DPY19L1: variants seen among roughly 807,000 people sequenced by gnomAD.
DPY19L1 encodes the protein dpy-19 like C-mannosyltransferase 1, also known as protein C-mannosyl-transferase DPY19L1.
In DPY19L1, 35 loss-of-function variants were observed where a neutral mutation model predicts 96.9. That is an observed-to-expected ratio of 0.36 (90% CI 0.28 to 0.48). DPY19L1 has a LOEUF of 0.48. Ranked by LOEUF, DPY19L1 falls within the 20% of genes least tolerant of loss-of-function variation. DPY19L1 has a pLI of 0.99. For missense variants in DPY19L1, 521 were observed against 777.9 expected, an observed-to-expected ratio of 0.67 and a Z score of 3.93; for synonymous variants, 205 against 252.6, an observed-to-expected ratio of 0.81 and a Z score of 1.79.
upstream of DPY19L1, chr7:35,037,870 GCCTT>G (rs1786487286): frequency 3.2e-5 from 40 of 1,237,066 alleles, no homozygotes; most frequent in Non-Finnish European, 4.1e-5. Flanking sequence ...GGGGCGGACG[GCCTT>G]CCGGAGGCGG....
intron 21 of DPY19L1, among the ~76,000 whole-genome samples, chr7:34,934,446 T>C (rs1216455778): frequency 1.3e-5 from 2 of 152,254 alleles, no homozygotes; most frequent in Non-Finnish European, 2.9e-5. Flanking sequence ...ATATGTACTA[T>C]TTAACCAATT....
intron 7 of DPY19L1, among the ~76,000 whole-genome samples, chr7:34,974,030 T>C (rs2128668774): frequency 6.6e-6 from 1 of 152,334 alleles, no homozygotes; most frequent in South Asian, 2.1e-4. Flanking sequence ...TCAATTTTAG[T>C]ATTTTCATTC....
intron 7 of DPY19L1, among the ~76,000 whole-genome samples, chr7:34,989,459 T>G (rs1010971660): frequency 6.6e-6 from 1 of 151,782 alleles, no homozygotes; most frequent in African/African-American, 2.4e-5. Flanking sequence ...TATAAAAAAT[T>G]TAAAAAACTA....
chr7:34,989,709 TATATC>T (rs1183904851), intron 7 of DPY19L1, among the ~76,000 whole-genome samples, 170 bp downstream of exon 7: 1 of 152,092 alleles, frequency 6.6e-6, no homozygotes, highest in Admixed American at 6.5e-5. Context: ...TACTAAGCCT[TATATC>T]ACATAAGAAG....
chr7:35,006,349 C>T (rs547977433), intron 6 of DPY19L1, among the ~76,000 whole-genome samples: 1 of 152,288 alleles, frequency 6.6e-6, no homozygotes, highest in Admixed American at 6.5e-5. Flanking sequence ...TTTAGTATCA[C>T]CTGCTTGATA....
At chr7:35,001,749 T>C (rs34373795) in intron 6 of DPY19L1, among the ~76,000 whole-genome samples, 8,153 of 152,216 alleles carry the variant, frequency 0.054, 300 homozygotes, top group Middle Eastern at 0.18. Flanking sequence ...TTTGGTCTTC[T>C]AGCCTTAATC....
rs755619806 is a variant in DPY19L1, at chr7:35,023,833, C to CTTTTTTTTT, written c.299-5246_299-5238dup. The stretch of plus-strand genomic sequence containing the variant: ...AAATATATTCTTTTTCTTTTCTTTT[C>CTTTTTTTTT]TTTTTTTTTTTTTTTTTTTTGAGAC... On this transcript the variant is annotated intron_variant, in intron 1 of 21. Coordinates refer to ENST00000638088, the MANE Select transcript of DPY19L1 (RefSeq NM_001366673.1). 7.9e-3 allele frequency among the ~76,000 whole-genome samples: 882 copies of CTTTTTTTTT among 111,750 alleles called. 6 individuals carry two copies. The highest frequency in any genetic ancestry group is 0.011 in the Non-Finnish European group (636 of 55,600). 73.3% of individuals were successfully genotyped at this position (111,750 alleles called of 152,430 possible). A position where few individuals can be genotyped will look rare whatever the true frequency, so the allele number is the denominator to read the frequency against.
Position 34,973,608 on chromosome 7 carries a change from G to GAAA in DPY19L1, c.823-6_823-4dup. 2 of 1,377,378 alleles carry GAAA rather than the reference G, an allele frequency of 1.5e-6. No homozygotes were observed. Among genetic ancestry groups the GAAA allele is most frequent in the South Asian group, 1.9e-5 (1 of 52,450 alleles). 85.3% of individuals were successfully genotyped at this position (1,377,378 alleles called of 1,614,324 possible). ...GGTGTCCACATTACACGGGTACACT[G>GAAA]AAAAAAAAAATTTGTAGTATAGTAT... On this transcript the variant is annotated splice_region_variant and splice_polypyrimidine_tract_variant and intron_variant, in intron 7 of 21. Coordinates refer to ENST00000638088, the MANE Select transcript of DPY19L1 (RefSeq NM_001366673.1).
chr7:35,023,536 T>C (rs1038410279), intron 1 of DPY19L1, among the ~76,000 whole-genome samples: 6 of 152,238 alleles, frequency 3.9e-5, no homozygotes, highest in Admixed American at 3.9e-4. Flanking sequence ...ACACATGCAC[T>C]TCATAAATAG....
chr7:34,967,078 G>T (rs1469723228), intron 9 of DPY19L1, 107 bp from the exon 10 acceptor site: 9 of 748,478 alleles, frequency 1.2e-5, no homozygotes, highest in South Asian at 2.6e-5. Flanking sequence ...CACACAGAGT[G>T]AGTTCTTCTG....
At chr7:34,994,317 C>A (rs910806180) in intron 6 of DPY19L1, among the ~76,000 whole-genome samples, 2 of 151,872 alleles carry the variant, frequency 1.3e-5, no homozygotes, top group Non-Finnish European at 2.9e-5. Flanking sequence ...TGCAAAGGCA[C>A]CTCATTCTCT....
chr7:34,929,355 C>T lies in DPY19L1; in HGVS notation c.*2218G>A, dbSNP rs1374859173. Reference sequence around the variant, plus strand: ...AGGCCTCTGCTCCAAACTGGCTCCCCTAATATATAGCCATATTTTGCTGGG... The same window carrying T: ...AGGCCTCTGCTCCAAACTGGCTCCCTTAATATATAGCCATATTTTGCTGGG... On this transcript the variant is annotated 3_prime_UTR_variant, in exon 22 of 22. Coordinates refer to ENST00000638088, the MANE Select transcript of DPY19L1 (RefSeq NM_001366673.1). The T allele has an allele frequency of 6.6e-6, 1 of 152,164 alleles. No individual in the cohort carries two copies. Among genetic ancestry groups the T allele is most frequent in the African/African-American group, 2.4e-5 (1 of 41,438 alleles). The allele number at this position is 152,164 out of a possible 1,614,324, so 9.4% of individuals were successfully genotyped here.
chr7:34,941,993 T>A, intron 17 of DPY19L1, 109 bp from the exon 18 acceptor site: 1 of 1,150,162 alleles, frequency 8.7e-7, no homozygotes, highest in Non-Finnish European at 1.2e-6. Context: ...CAAAAAATAC[T>A]ACTAAGGTTT....
Position 35,020,408 on chromosome 7 carries a change from T to C in DPY19L1, c.299-1812A>G, listed in dbSNP as rs539810012. ...GGTGTGGGTATATACATATGTTGTA[T>C]ATATAGGTATGTGTATATATACATA... On this transcript the variant is annotated intron_variant, in intron 1 of 21. Transcript: ENST00000638088. Among the ~76,000 whole-genome samples, 9 of 152,322 alleles carry C rather than the reference T, an allele frequency of 5.9e-5. 1 individual carries two copies. The South Asian group carries it at 1.2e-3, about 21-fold the overall frequency.
chr7:35,000,759 C>T (rs1016405220), intron 6 of DPY19L1: 10 of 152,200 alleles, frequency 6.6e-5, no homozygotes, highest in South Asian at 2.1e-4. Flanking sequence ...GAAAAGAGAA[C>T]GGAAAGTCTA....
chr7:34,966,963 T>G lies in DPY19L1; in HGVS notation c.1023A>C (p.Ser341=). Residue 341 remains serine (S), a synonymous_variant, in exon 10 of 22, where the codon TCA becomes TCC. Transcript: ENST00000638088. ...ACCCGACAACATATACTGCAAATAA[T>G]GATGCAATCTGAAATTTAAAAAGAA... ...AQFVLLTQIA[S]LFAVYVVGYI... is the part of the protein sequence containing the mutation. The G allele has an allele frequency of 6.5e-7, 1 of 1,526,918 alleles. No individual in the cohort carries two copies. Among genetic ancestry groups the G allele is most frequent in the South Asian group, 1.3e-5 (1 of 78,966 alleles). 94.6% of individuals were successfully genotyped at this position (1,526,918 alleles called of 1,614,324 possible).
At chr7:34,999,362 A>T (rs1785369850) in intron 6 of DPY19L1, among the ~76,000 whole-genome samples, 1 of 152,236 alleles carries the variant, frequency 6.6e-6, no homozygotes, top group Admixed American at 6.5e-5. Context: ...GCAAACCAGT[A>T]ATTGAGTACA....
chr7:34,992,177 TTAGA>T (rs996938981), intron 6 of DPY19L1, among the ~76,000 whole-genome samples: 2 of 152,162 alleles, frequency 1.3e-5, no homozygotes, highest in African/African-American at 2.4e-5. Context: ...AATTTTCTCC[TTAGA>T]TAGGTGAAAA....
intron 8 of DPY19L1, among the ~76,000 whole-genome samples, chr7:34,972,317 C>G (rs1784740468): frequency 6.6e-6 from 1 of 152,186 alleles, no homozygotes; most frequent in Non-Finnish European, 1.5e-5. Flanking sequence ...TACACAGCAA[C>G]AGGAAACTAA....
Sources: allele counts gnomAD v4.1 joint callset (sites outside exome capture counted in the v4.1 genomes callset), GRCh38; gene constraint gnomAD v4.1.1; transcripts MANE v1.5; gene names NCBI Gene and HGNC (gene_info 2026-07-23, HGNC 2026-07-21).